POU5F2: variants seen among roughly 807,000 people sequenced by gnomAD.
The protein encoded by POU5F2 is POU domain class 5, transcription factor 2.
For missense variants in POU5F2, 401 were observed against 426.6 expected (o/e 0.94, Z 0.53); for synonymous variants, 191 against 178.7 (o/e 1.07, Z -0.55).
Position 93,740,862 on chromosome 5 carries a change from C to T in POU5F2, c.702G>A (p.Lys234=). The part of the protein sequence containing the change: ...SLEKFFQRCP[K]PTPQQISHIA... Reference sequence around the variant, plus strand: ...TGTGGCTGATTTGCTGGGGTGTGGGCTTAGGGCACCGCTGGAAGAATTTCT... The same window carrying T: ...TGTGGCTGATTTGCTGGGGTGTGGGTTTAGGGCACCGCTGGAAGAATTTCT... The change falls in exon 1 of 1, where the codon AAG becomes AAA. Residue 234 remains lysine, a synonymous_variant. Transcript: ENST00000606183. 1 of 1,614,006 alleles carries T rather than the reference C, an allele frequency of 6.2e-7. No individual in the cohort carries two copies. Among genetic ancestry groups the T allele is most frequent in the Non-Finnish European group, 8.5e-7 (1 of 1,179,888 alleles).
rs756450444 is a variant in POU5F2 at position 93,741,222 on chromosome 5, C to T, written c.342G>A (p.Pro114=). Residue 114 remains proline, a synonymous_variant, in exon 1 of 1, where the codon CCG becomes CCA. Coordinates refer to ENST00000606183, the MANE Select transcript of POU5F2 (RefSeq NM_153216.2). ...YIALRSIPKL[P]PPEDISGILK... ...GTATGCCCGAGATGTCCTCTGGCGG[C>T]GGCAACTTCGGAATGCTCCGCAGGG... is the stretch of plus-strand genomic sequence containing the variant. 6 of 1,613,832 alleles carry T rather than the reference C, an allele frequency of 3.7e-6. No homozygotes were observed. Among genetic ancestry groups the T allele is most frequent in the Middle Eastern group, 1.6e-4 (1 of 6,062 alleles).
In POU5F2 at chr5:93,737,968, G is replaced by C. The variant is rs774237762; in HGVS notation, c.*2609C>G. On this transcript the variant is annotated 3_prime_UTR_variant, in exon 1 of 1. Coordinates refer to ENST00000606183, the MANE Select transcript of POU5F2 (RefSeq NM_153216.2). ...AAGCAACAAAAGAAAAAATGGATAA[G>C]CTGGACTTAATAAAAATTAAAGTCT... is the stretch of plus-strand genomic sequence containing the variant. 2.3e-6 allele frequency: 1 copy of C among 434,262 alleles called. No individual in the cohort carries two copies. Among genetic ancestry groups the C allele is most frequent in the Non-Finnish European group, 4.5e-6 (1 of 220,696 alleles). The allele number at this position is 434,262 out of a possible 1,614,324, so 26.9% of individuals were successfully genotyped here.
In POU5F2 at chr5:93,738,859, T is replaced by A. The variant is rs1747782418; in HGVS notation, c.*1718A>T. On this transcript the variant is annotated 3_prime_UTR_variant, in exon 1 of 1. Transcript: ENST00000606183. The stretch of plus-strand genomic sequence containing the variant: ...GTGATGGAAAAATGTTGGAAATGGA[T>A]AGTGGTGATGGTTGCCTAACATTGT... 6.6e-6 allele frequency: 1 copy of A among 152,238 alleles called. No individual in the cohort carries two copies. The highest frequency in any genetic ancestry group is 2.1e-4 in the South Asian group (1 of 4,834). The allele number at this position is 152,238 out of a possible 1,614,324, so 9.4% of individuals were successfully genotyped here. A position where few individuals can be genotyped will look rare whatever the true frequency, so the allele number is the denominator to read the frequency against.
Position 93,740,758 on chromosome 5 carries a change from G to C in POU5F2, c.806C>G (p.Thr269Ser). 1 of 1,612,322 alleles carries C rather than the reference G, an allele frequency of 6.2e-7. No individual in the cohort carries two copies. The highest frequency in any genetic ancestry group is 8.5e-7 in the Non-Finnish European group (1 of 1,179,044). Residue 269 changes from threonine (T) to serine (S), a missense_variant, in exon 1 of 1, where the codon ACC becomes AGC. Coordinates refer to ENST00000606183, the MANE Select transcript of POU5F2 (RefSeq NM_153216.2). Reference sequence around the variant, plus strand: ...AATCTCCCGTGGGGAAGCATCATTGGTTGGTCGACTGCCCATCTTGCTGCG... The same window carrying C: ...AATCTCCCGTGGGGAAGCATCATTGCTTGGTCGACTGCCCATCTTGCTGCG... ...YNRSKMGSRP[T>S]NDASPREIVG...
chr5:93,734,357 T>C lies in POU5F2; in HGVS notation c.*6220A>G, dbSNP rs1746763618. The C allele has an allele frequency of 1.3e-5, 2 of 152,178 alleles. No individual in the cohort carries two copies. Among genetic ancestry groups the C allele is most frequent in the African/African-American group, 4.8e-5 (2 of 41,456 alleles). 9.4% of individuals were successfully genotyped at this position (152,178 alleles called of 1,614,324 possible). On this transcript the variant is annotated 3_prime_UTR_variant, in exon 1 of 1. Transcript: ENST00000606183. ...CAGAAATTACCTATTATATAGGTACTGTCAAAAGAAATCATTTGAAAAAGT... is the reference window on the plus strand; with the variant it reads ...CAGAAATTACCTATTATATAGGTACCGTCAAAAGAAATCATTTGAAAAAGT...
rs751195358 is a variant in POU5F2, at chr5:93,741,066, G to A, written c.498C>T (p.Arg166=). ...GKVLSQTTIC[R]FEAQQLSVAN... ...CGACGCTTAGCTGCTGGGCCTCGAAGCGGCAGATGGTCGTCTGGCTAAGCA... is the reference window on the plus strand; with the variant it reads ...CGACGCTTAGCTGCTGGGCCTCGAAACGGCAGATGGTCGTCTGGCTAAGCA... Residue 166 remains arginine, a synonymous_variant, in exon 1 of 1, where the codon CGC becomes CGT. Coordinates refer to ENST00000606183, the MANE Select transcript of POU5F2 (RefSeq NM_153216.2). The A allele has an allele frequency of 1.2e-6, 2 of 1,613,884 alleles. No individual in the cohort carries two copies. Among genetic ancestry groups the A allele is most frequent in the Non-Finnish European group, 1.7e-6 (2 of 1,179,954 alleles).
In POU5F2 at chr5:93,737,954, G is replaced by C; in HGVS notation, c.*2623C>G. 2.3e-6 allele frequency: 1 copy of C among 441,826 alleles called. No homozygotes were observed. The highest frequency in any genetic ancestry group is 1.7e-5 in the South Asian group (1 of 60,562). 27.4% of individuals were successfully genotyped at this position (441,826 alleles called of 1,614,324 possible). On this transcript the variant is annotated 3_prime_UTR_variant, in exon 1 of 1. Coordinates refer to ENST00000606183, the MANE Select transcript of POU5F2 (RefSeq NM_153216.2). ...AACATGAAAAGCCTAAGCAACAAAA[G>C]AAAAAATGGATAAGCTGGACTTAAT...
Position 93,738,344 on chromosome 5 carries a change from G to A in POU5F2, c.*2233C>T, listed in dbSNP as rs1220562316. The A allele has an allele frequency of 6.6e-6, 1 of 152,514 alleles. No homozygotes were observed. Among genetic ancestry groups the A allele is most frequent in the Non-Finnish European group, 1.5e-5 (1 of 68,296 alleles). The allele number at this position is 152,514 out of a possible 1,614,324, so 9.4% of individuals were successfully genotyped here. On this transcript the variant is annotated 3_prime_UTR_variant, in exon 1 of 1. Transcript: ENST00000606183. ...AAACTAGAACTCTTGTAGATTGCTGGTGGGAATGTAAAATGGTGCCTTCAC... is the reference window on the plus strand; with the variant it reads ...AAACTAGAACTCTTGTAGATTGCTGATGGGAATGTAAAATGGTGCCTTCAC...
chr5:93,741,360 C>T lies in POU5F2; in HGVS notation c.204G>A (p.Leu68=), dbSNP rs759366415. The T allele has an allele frequency of 1.2e-6, 2 of 1,610,814 alleles. No individual in the cohort carries two copies. The highest frequency in any genetic ancestry group is 2.2e-5 in the East Asian group (1 of 44,750). ...PDVWRIPLGP[L]PHEFRGWIAP... is the part of the protein sequence containing the mutation. The stretch of plus-strand genomic sequence containing the variant: ...CTATCCAGCCCCGGAATTCGTGTGG[C>T]AGGGGACCCAGGGGAATCCTCCACA... Residue 68 remains leucine, a synonymous_variant, in exon 1 of 1, where the codon CTG becomes CTA. Coordinates refer to ENST00000606183, the MANE Select transcript of POU5F2 (RefSeq NM_153216.2).
chr5:93,738,931 G>T lies in POU5F2; in HGVS notation c.*1646C>A, dbSNP rs541214126. On this transcript the variant is annotated 3_prime_UTR_variant, in exon 1 of 1. Coordinates refer to ENST00000606183, the MANE Select transcript of POU5F2 (RefSeq NM_153216.2). Reference sequence around the variant, plus strand: ...ATTTACACTTAAAATCATTACAATGGCAAATTTTATATTTTATCACACACA... The same window carrying T: ...ATTTACACTTAAAATCATTACAATGTCAAATTTTATATTTTATCACACACA... The T allele has an allele frequency of 1.3e-5, 2 of 152,268 alleles. No individual in the cohort carries two copies. Among genetic ancestry groups the T allele is most frequent in the African/African-American group, 4.8e-5 (2 of 41,536 alleles). 9.4% of individuals were successfully genotyped at this position (152,268 alleles called of 1,614,324 possible).
Position 93,740,667 on chromosome 5 carries a change from T to G in POU5F2, c.897A>C (p.Pro299=). The part of the protein sequence containing the change: ...PVCFHLGLGL[P]VDIPHYTRLY... ...GACGTGTATAGTGGGGGATATCCACTGGGAGCCCCAGTCCCAGGTGAAAGC... is the reference window on the plus strand; with the variant it reads ...GACGTGTATAGTGGGGGATATCCACGGGGAGCCCCAGTCCCAGGTGAAAGC... The change falls in exon 1 of 1, where the codon CCA becomes CCC. Residue 299 remains proline (P), a synonymous_variant. Coordinates refer to ENST00000606183, the MANE Select transcript of POU5F2 (RefSeq NM_153216.2). 1 of 1,613,928 alleles carries G rather than the reference T, an allele frequency of 6.2e-7. No individual in the cohort carries two copies. The highest frequency in any genetic ancestry group is 8.5e-7 in the Non-Finnish European group (1 of 1,179,836).
At position 93,734,468 on chromosome 5, in the gene POU5F2, T is replaced by A. The variant is rs1561421090; in HGVS notation, c.*6109A>T. The A allele has an allele frequency of 6.6e-6, 1 of 152,220 alleles. No homozygotes were observed. Among genetic ancestry groups the A allele is most frequent in the African/African-American group, 2.4e-5 (1 of 41,466 alleles). 9.4% of individuals were successfully genotyped at this position (152,220 alleles called of 1,614,324 possible). A position where few individuals can be genotyped will look rare whatever the true frequency, so the allele number is the denominator to read the frequency against. The stretch of plus-strand genomic sequence containing the variant: ...CTCTTTGAATATGTGATGAAGGCTA[T>A]GAACCATCTTTAAAGAAAATGCACA... On this transcript the variant is annotated 3_prime_UTR_variant, in exon 1 of 1. Coordinates refer to ENST00000606183, the MANE Select transcript of POU5F2 (RefSeq NM_153216.2).
chr5:93,741,285 T>C lies in POU5F2; in HGVS notation c.279A>G (p.Arg93=). 1 of 1,613,668 alleles carries C rather than the reference T, an allele frequency of 6.2e-7. No homozygotes were observed. The highest frequency in any genetic ancestry group is 8.5e-7 in the Non-Finnish European group (1 of 1,179,776). Residue 93 remains arginine, a synonymous_variant, in exon 1 of 1, where the codon CGA becomes CGG. Transcript: ENST00000606183. ...LGASEAGDWL[R]RPSEGALPGP... is the part of the protein sequence containing the mutation. Reference sequence around the variant, plus strand: ...CCGGGAGGGCGCCTTCGGAGGGGCGTCGCAACCAGTCCCCTGCCTCACTAG... The same window carrying C: ...CCGGGAGGGCGCCTTCGGAGGGGCGCCGCAACCAGTCCCCTGCCTCACTAG...
In POU5F2 at chr5:93,740,976, A is replaced by G; in HGVS notation, c.588T>C (p.Leu196=). Residue 196 remains leucine (L), a synonymous_variant, in exon 1 of 1, where the codon CTT becomes CTC. Transcript: ENST00000606183. ...TCATCTCCATTTTGCATAAGCCCAG[A>G]AGGTTCTCTGCTTCCACTTCCTTCA... ...KWLKEVEAEN[L]LGLCKMEMIL... The G allele has an allele frequency of 1.2e-6, 2 of 1,613,820 alleles. No homozygotes were observed. Among genetic ancestry groups the G allele is most frequent in the Non-Finnish European group, 1.7e-6 (2 of 1,179,860 alleles).
Position 93,740,630 on chromosome 5 carries a change from C to T in POU5F2, c.934G>A (p.Gly312Arg), listed in dbSNP as rs1487429937. Residue 312 changes from glycine to arginine, a missense_variant, in exon 1 of 1, where the codon GGG (glycine) becomes AGG (arginine). Coordinates refer to ENST00000606183, the MANE Select transcript of POU5F2 (RefSeq NM_153216.2). ...IPHYTRLYSA[G>R]VAHSSAPATT... is the part of the protein sequence containing the mutation. ...GCTGGGGCAGAGGAGTGGGCTACCC[C>T]TGCAGAGTAGAGACGTGTATAGTGG... 5 of 1,610,906 alleles carry T rather than the reference C, an allele frequency of 3.1e-6. No homozygotes were observed. In the African/African-American group the frequency reaches 5.3e-5, roughly 17 times the overall value.
At position 93,741,260 on chromosome 5, in the gene POU5F2, C is replaced by T. The variant is rs371062975; in HGVS notation, c.304G>A (p.Gly102Arg). The change falls in exon 1 of 1, where the codon GGG (glycine) becomes AGG (arginine). Residue 102 changes from glycine to arginine, a missense_variant. Physicochemically the swap from Gly to Arg is moderately radical, Grantham distance 125. Coordinates refer to ENST00000606183, the MANE Select transcript of POU5F2 (RefSeq NM_153216.2). ...LRRPSEGALP[G>R]PYIALRSIPK... is the part of the protein sequence containing the mutation. ...ATGCTCCGCAGGGCAATGTAGGGCCCCGGGAGGGCGCCTTCGGAGGGGCGT... is the reference window on the plus strand; with the variant it reads ...ATGCTCCGCAGGGCAATGTAGGGCCTCGGGAGGGCGCCTTCGGAGGGGCGT... 1.2e-5 allele frequency: 20 copies of T among 1,613,874 alleles called. No individual in the cohort carries two copies. The highest frequency in any genetic ancestry group is 1.6e-5 in the Non-Finnish European group (19 of 1,179,856).
rs1275642968 is a variant in POU5F2 at position 93,740,016 on chromosome 5, A to G, written c.*561T>C. 1 of 151,910 alleles carries G rather than the reference A, an allele frequency of 6.6e-6. No individual in the cohort carries two copies. Among genetic ancestry groups the G allele is most frequent in the Non-Finnish European group, 1.5e-5 (1 of 67,978 alleles). The allele number at this position is 151,910 out of a possible 1,614,324, so 9.4% of individuals were successfully genotyped here. On this transcript the variant is annotated 3_prime_UTR_variant, in exon 1 of 1. Coordinates refer to ENST00000606183, the MANE Select transcript of POU5F2 (RefSeq NM_153216.2). Reference sequence around the variant, plus strand: ...AATCAGAAAAAAAAAAAAAAAAAAAAATCTTCCAAGAAAGCTCAGGTGTTT... The same window carrying G: ...AATCAGAAAAAAAAAAAAAAAAAAAGATCTTCCAAGAAAGCTCAGGTGTTT...
rs1198558675 is a variant in POU5F2, at chr5:93,741,202, C to T, written c.362G>A (p.Gly121Asp). Residue 121 changes from glycine to aspartate, a missense_variant, in exon 1 of 1, where the codon GGC (glycine) becomes GAC (aspartate). By Grantham distance (94) the Gly-to-Asp change is moderately conservative (BLOSUM62 -1). Transcript: ENST00000606183. ...CAATTGCTGCAACTCTTTCAGTATG[C>T]CCGAGATGTCCTCTGGCGGCGGCAA... ...PKLPPPEDIS[G>D]ILKELQQLAK... 2 of 1,613,746 alleles carry T rather than the reference C, an allele frequency of 1.2e-6. No homozygotes were observed. The highest frequency in any genetic ancestry group is 1.7e-6 in the Non-Finnish European group (2 of 1,179,892).
Position 93,739,276 on chromosome 5 carries a change from A to G in POU5F2, c.*1301T>C, listed in dbSNP as rs1262396136. Reference sequence around the variant, plus strand: ...AAAGAAAGAAAGAAACTAAGTACTCATCTAAAAATTATCTAAAAAAGAACA... The same window carrying G: ...AAAGAAAGAAAGAAACTAAGTACTCGTCTAAAAATTATCTAAAAAAGAACA... On this transcript the variant is annotated 3_prime_UTR_variant, in exon 1 of 1. Transcript: ENST00000606183. 6.6e-6 allele frequency: 1 copy of G among 152,164 alleles called. No individual in the cohort carries two copies. Among genetic ancestry groups the G allele is most frequent in the African/African-American group, 2.4e-5 (1 of 41,468 alleles). 9.4% of individuals were successfully genotyped at this position (152,164 alleles called of 1,614,324 possible). A position where few individuals can be genotyped will look rare whatever the true frequency, so the allele number is the denominator to read the frequency against.
Sources: gnomAD v4.1 joint callset for allele counts on GRCh38, gnomAD v4.1.1 for gene constraint, MANE v1.5 for transcripts, NCBI Gene and HGNC (gene_info 2026-07-23, HGNC 2026-07-21) for gene names.